Variants in FAM193A observed in about 807,000 individuals in gnomAD.
FAM193A encodes the protein protein FAM193A.
Under a neutral mutation model 126.5 loss-of-function variants are expected in FAM193A, and 22 were observed. The ratio of observed to expected loss-of-function variants is 0.17; its 90% CI spans 0.12 to 0.25. FAM193A has a LOEUF of 0.25. FAM193A is among the 10% of genes least tolerant of loss of function. FAM193A has a pLI of 1.00. For synonymous variants in FAM193A, 761 were observed against 646.8 expected, an observed-to-expected ratio of 1.18 and a Z score of -2.68; for missense variants, 1,675 against 1,672.8, an observed-to-expected ratio of 1.00 and a Z score of -0.02.
intron 14 of FAM193A, among the ~76,000 whole-genome samples, chr4:2,690,494 C>T (rs1257730404): frequency 1.3e-5 from 2 of 152,224 alleles, no homozygotes; most frequent in Admixed American, 6.5e-5. Flanking sequence ...CTTTGGAAAG[C>T]ACCTAGCACA....
intron 2 of FAM193A, 60 bp downstream of exon 2, chr4:2,596,389 G>C (rs1010268798): frequency 4.5e-6 from 3 of 671,582 alleles, no homozygotes; most frequent in Non-Finnish European, 8.2e-6. Context: ...AGGTTATGGG[G>C]TAACTGGCAG....
chr4:2,633,902 G>C (rs539101483), intron 5 of FAM193A, among the ~76,000 whole-genome samples: 1 of 152,224 alleles, frequency 6.6e-6, no homozygotes, highest in Non-Finnish European at 1.5e-5. Context: ...TCAAAAAAAA[G>C]ATGAAATCTT....
At chr4:2,712,930 C>T (rs975883019) in intron 19 of FAM193A, among the ~76,000 whole-genome samples, 10 of 151,506 alleles carry the variant, frequency 6.6e-5, no homozygotes, top group Non-Finnish European at 1.5e-4. Flanking sequence ...TGGTGAAACC[C>T]CATCTCTACT....
intron 2 of FAM193A, among the ~76,000 whole-genome samples, chr4:2,610,503 A>C (rs967840008): frequency 2.6e-5 from 4 of 152,210 alleles, no homozygotes; most frequent in African/African-American, 9.6e-5. Flanking sequence ...GATTGACTTG[A>C]GTTAGCCTTA....
intron 8 of FAM193A, among the ~76,000 whole-genome samples, chr4:2,659,224 C>T (rs1712093394): frequency 6.6e-6 from 1 of 152,178 alleles, no homozygotes; most frequent in Non-Finnish European, 1.5e-5. Context: ...ACTTTTCATT[C>T]CTACAGCTCT....
At chr4:2,704,559 TA>T (rs1718096560) in intron 19 of FAM193A, among the ~76,000 whole-genome samples, 1 of 151,922 alleles carries the variant, frequency 6.6e-6, no homozygotes, top group Non-Finnish European at 1.5e-5. Flanking sequence ...AGCAAGACCC[TA>T]TCTGAAAAAA....
At chr4:2,539,000 C>T (rs552246114) in intron 1 of FAM193A, among the ~76,000 whole-genome samples, 123 of 152,146 alleles carry the variant, frequency 8.1e-4, no homozygotes, top group African/African-American at 2.6e-3. Context: ...AAGCGATTCT[C>T]CTGCCTAACC....
chr4:2,613,907 T>C (rs996741492), intron 2 of FAM193A, among the ~76,000 whole-genome samples: 1 of 152,060 alleles, frequency 6.6e-6, no homozygotes, highest in Non-Finnish European at 1.5e-5. Flanking sequence ...CCCGAGTAGC[T>C]GGGATTACAG....
At chr4:2,539,872 G>C (rs1737120134) in intron 1 of FAM193A, among the ~76,000 whole-genome samples, 1 of 152,022 alleles carries the variant, frequency 6.6e-6, no homozygotes, top group South Asian at 2.1e-4. Context: ...GCCGAGGTGG[G>C]TGGATCACCT....
chr4:2,708,028 G>A, intron 19 of FAM193A: 7 of 341,872 alleles, frequency 2.0e-5, no homozygotes, highest in South Asian at 1.4e-4. Flanking sequence ...GGGATTACAG[G>A]CGTGAGCCAC....
intron 2 of FAM193A, among the ~76,000 whole-genome samples, chr4:2,620,952 G>A (rs1742512348): frequency 1.3e-5 from 2 of 151,962 alleles, no homozygotes; most frequent in Admixed American, 6.6e-5. Context: ...AGCCACTAAC[G>A]GGAGCTTAGG....
At chr4:2,660,324 C>T (rs76415525) in intron 10 of FAM193A, among the ~76,000 whole-genome samples, 4,729 of 152,176 alleles carry the variant, frequency 0.031, 225 homozygotes, top group African/African-American at 0.11. Flanking sequence ...TCTCTAATTC[C>T]GGCCTCACAT....
chr4:2,728,060 T>C (rs368382657), intron 20 of FAM193A, among the ~76,000 whole-genome samples: 2 of 151,904 alleles, frequency 1.3e-5, no homozygotes, highest in East Asian at 1.9e-4. Context: ...GCATCCTGGG[T>C]AGCTGGGATT....
At chr4:2,664,630 G>A (rs368345997) in intron 12 of FAM193A, among the ~76,000 whole-genome samples, 52 of 138,438 alleles carry the variant, frequency 3.8e-4, no homozygotes, top group East Asian at 2.8e-3. Context: ...GCAGTGGCGC[G>A]ATCTCGCCTC....
chr4:2,553,376 CTTTTTGTT>C (rs1209976070), intron 1 of FAM193A, among the ~76,000 whole-genome samples: 1 of 124,122 alleles, frequency 8.1e-6, no homozygotes, highest in Non-Finnish European at 1.6e-5. Flanking sequence ...AATTTCCCTT[CTTTTTGTT>C]TTTTTTTTTT....
chr4:2,539,645 G>A (rs1022384868), intron 1 of FAM193A, among the ~76,000 whole-genome samples: 2 of 151,876 alleles, frequency 1.3e-5, no homozygotes, highest in Non-Finnish European at 2.9e-5. Flanking sequence ...GACCTCAAGT[G>A]ATCCTCCCAT....
At position 2,727,437 on chromosome 4, in the gene FAM193A, C is replaced by T. The variant is rs551012067; in HGVS notation, c.4455-4338C>T. ...TTTGAGACACAGTCTCTCACTCTGT[C>T]ATCCAGGGAATTAGCAGCATTCCCG... On this transcript the variant is annotated intron_variant, in intron 20 of 20. Transcript: ENST00000637812. Among the ~76,000 whole-genome samples the T allele has an allele frequency of 5.3e-5, 8 of 152,312 alleles. No homozygotes were observed. The South Asian group carries it at 1.7e-3, about 32-fold the overall frequency.
chr4:2,655,869 C>T (rs941538814), intron 7 of FAM193A, among the ~76,000 whole-genome samples: 2 of 152,164 alleles, frequency 1.3e-5, no homozygotes, highest in Non-Finnish European at 2.9e-5. Context: ...GTTGAGGCTA[C>T]AGTAAGTTGT....
chr4:2,658,406 T>C (rs1053021649), intron 8 of FAM193A, among the ~76,000 whole-genome samples: 4 of 152,172 alleles, frequency 2.6e-5, no homozygotes, highest in African/African-American at 9.7e-5. Flanking sequence ...GGCAGGCTTG[T>C]GCTCCACCTT....
Sources: allele counts gnomAD v4.1 joint callset (sites outside exome capture counted in the v4.1 genomes callset), GRCh38; gene constraint gnomAD v4.1.1; transcripts MANE v1.5; gene names NCBI Gene and HGNC (gene_info 2026-07-23, HGNC 2026-07-21).